The following DTNA variants were observed in gnomAD, a reference collection of about 807,000 sequenced individuals.
The protein encoded by DTNA is dystrobrevin alpha, also known as dystrophin-related protein 3.
DTNA carries 43 observed loss-of-function variants against 100.7 expected under a neutral mutation model. That is an observed-to-expected ratio of 0.43 (90% CI 0.33 to 0.55). DTNA has a LOEUF of 0.55. Among genes scored for constraint, DTNA ranks in the 20% least tolerant of loss-of-function variants. The pLI is 0.04. For synonymous variants in DTNA, 349 were observed against 347.9 expected, an observed-to-expected ratio of 1.00 and a Z score of -0.04; for missense variants, 798 against 953.9, an observed-to-expected ratio of 0.84 and a Z score of 2.15.
intron 6 of DTNA, among the ~76,000 whole-genome samples, chr18:34,812,581 C>T (rs1057477674): frequency 6.6e-6 from 1 of 152,106 alleles, no homozygotes; most frequent in Non-Finnish European, 1.5e-5. Context: ...GGGAATCTGC[C>T]ATTTATAACA....
chr18:34,838,562 C>T (rs572422447), intron 12 of DTNA, among the ~76,000 whole-genome samples, 183 bp from the exon 13 acceptor site: 1 of 152,072 alleles, frequency 6.6e-6, no homozygotes, highest in Non-Finnish European at 1.5e-5. Context: ...TTAGTGAAAT[C>T]GAATTGTGGA....
intron 1 of DTNA, among the ~76,000 whole-genome samples, chr18:34,594,220 A>G (rs2146983772): frequency 6.6e-6 from 1 of 151,794 alleles, no homozygotes; most frequent in East Asian, 1.9e-4. Context: ...GACAAGGGAG[A>G]GGAAGAGTTG....
At chr18:34,613,092 C>T (rs2054553380) in intron 1 of DTNA, among the ~76,000 whole-genome samples, 1 of 152,096 alleles carries the variant, frequency 6.6e-6, no homozygotes, top group Non-Finnish European at 1.5e-5. Context: ...TTTGATAATT[C>T]CCACAATATT....
intron 1 of DTNA, among the ~76,000 whole-genome samples, chr18:34,619,508 G>A (rs2056029081): frequency 2.6e-5 from 4 of 152,188 alleles, no homozygotes; most frequent in African/African-American, 9.7e-5. Context: ...AGATAGGAAA[G>A]GGAGGAGAAA....
chr18:34,882,001 C>T (rs896764757), intron 20 of DTNA, 68 bp from the exon 21 acceptor site: 13 of 1,609,830 alleles, frequency 8.1e-6, no homozygotes, highest in Non-Finnish European at 1.0e-5. Context: ...CTACAGCTCA[C>T]ACATGAATCC....
intron 1 of DTNA, among the ~76,000 whole-genome samples, chr18:34,701,412 T>C (rs773122828): frequency 9.9e-5 from 15 of 152,168 alleles, no homozygotes; most frequent in Non-Finnish European, 1.6e-4. Context: ...TTCAAGTCCA[T>C]AGAAGCACGC....
At chr18:34,702,046 C>CG (rs1480553158) in intron 1 of DTNA, among the ~76,000 whole-genome samples, 2 of 152,098 alleles carry the variant, frequency 1.3e-5, no homozygotes, top group Non-Finnish European at 2.9e-5. Flanking sequence ...ATTTCAGAAT[C>CG]CCTAACATGG....
chr18:34,503,105 T>A (rs2040105297), intron 1 of DTNA, among the ~76,000 whole-genome samples: 1 of 152,068 alleles, frequency 6.6e-6, no homozygotes, highest in Admixed American at 6.6e-5. Flanking sequence ...ATAATGCCCC[T>A]CTCTGTATCT....
rs142216443 is a variant in DTNA at position 34,569,479 on chromosome 18, G to A, written c.-2+75965G>A. 4.9e-3 allele frequency among the ~76,000 whole-genome samples: 737 copies of A among 151,956 alleles called. 7 individuals are homozygous for A. The highest frequency in any genetic ancestry group is 0.017 in the African/African-American group (692 of 41,458). ...GGATGACATCTATTTCTTGGTGATA[G>A]TGAGAAAAAAAAAGCAAGGGGTGGG... On this transcript the variant is annotated intron_variant, in intron 1 of 19. Transcript: ENST00000283365.
intron 1 of DTNA, among the ~76,000 whole-genome samples, chr18:34,592,898 T>A (rs910420740): frequency 2.6e-5 from 4 of 152,094 alleles, no homozygotes; most frequent in African/African-American, 4.8e-5. Flanking sequence ...AGAAAAAAAA[T>A]TTACTATTTG....
intron 1 of DTNA, among the ~76,000 whole-genome samples, chr18:34,555,946 A>T (rs987466580): frequency 2.0e-5 from 3 of 150,870 alleles, no homozygotes; most frequent in African/African-American, 7.3e-5. Context: ...TGTCTCGTTG[A>T]TCTGTCTAAT....
chr18:34,819,578 A>G, intron 8 of DTNA, among the ~76,000 whole-genome samples: 1 of 152,226 alleles, frequency 6.6e-6, no homozygotes, highest in East Asian at 1.9e-4. Flanking sequence ...TTTGAAAACT[A>G]ATCAGATTTA....
At chr18:34,669,940 A>G (rs1261775886) in intron 1 of DTNA, among the ~76,000 whole-genome samples, 1 of 152,032 alleles carries the variant, frequency 6.6e-6, no homozygotes, top group East Asian at 1.9e-4. Context: ...TCTTTGTGGC[A>G]TTCTCTGTAT....
chr18:34,557,879 A>C (rs2046249320), intron 1 of DTNA: 1 of 152,242 alleles, frequency 6.6e-6, no homozygotes, highest in Admixed American at 6.5e-5. Flanking sequence ...GGCCTCCTTG[A>C]GCTGTGGTGG....
intron 4 of DTNA, among the ~76,000 whole-genome samples, chr18:34,795,699 A>G (rs150137406): frequency 6.6e-6 from 1 of 152,318 alleles, no homozygotes; most frequent in East Asian, 1.9e-4. Context: ...GAAATATAAT[A>G]TCTCACTAAA....
chr18:34,532,671 T>G (rs1347566754), intron 1 of DTNA, among the ~76,000 whole-genome samples: 1 of 152,072 alleles, frequency 6.6e-6, no homozygotes, highest in Non-Finnish European at 1.5e-5. Context: ...TATCGCACTG[T>G]GTTAAAATCA....
At chr18:34,542,790 C>T (rs970797285) in intron 1 of DTNA, among the ~76,000 whole-genome samples, 2 of 152,052 alleles carry the variant, frequency 1.3e-5, no homozygotes, top group Non-Finnish European at 2.9e-5. Flanking sequence ...GAATCAACAA[C>T]CATTTAAACA....
rs2096936721 is a variant in DTNA, at chr18:34,887,812, A to G, written c.*78A>G. On this transcript the variant is annotated 3_prime_UTR_variant, in exon 23 of 23. Coordinates refer to ENST00000444659, the MANE Select transcript of DTNA (RefSeq NM_001386795.1). ...GATGAAAGTAACATGAAAACTGGTG[A>G]TGATGGAGAGCCCTGTGGCCACACA... The G allele has an allele frequency of 2.0e-6, 2 of 985,780 alleles. No homozygotes were observed. Among genetic ancestry groups the G allele is most frequent in the Non-Finnish European group, 1.2e-6 (1 of 829,988 alleles). 61.1% of individuals were successfully genotyped at this position (985,780 alleles called of 1,614,324 possible).
At chr18:34,684,858 T>C (rs1479446158) in intron 1 of DTNA, among the ~76,000 whole-genome samples, 1 of 152,252 alleles carries the variant, frequency 6.6e-6, no homozygotes, top group Admixed American at 6.5e-5. Context: ...CATGAGATGG[T>C]ATCTCATTGT....
Sources: allele counts gnomAD v4.1 joint callset (sites outside exome capture counted in the v4.1 genomes callset), GRCh38; gene constraint gnomAD v4.1.1; transcripts MANE v1.5; gene names NCBI Gene and HGNC (gene_info 2026-07-23, HGNC 2026-07-21).